DCC: variants seen among roughly 807,000 people sequenced by gnomAD.
DCC encodes the protein DCC netrin 1 receptor.
A neutral mutation model predicts 172.5 loss-of-function variants in DCC; 58 were observed. That is an observed-to-expected ratio of 0.34 (90% confidence interval 0.27 to 0.42). The LOEUF (loss-of-function observed/expected upper bound fraction) is 0.42, where lower values mean the gene tolerates loss of function less well. Ranked by LOEUF, DCC falls within the 10% of genes least tolerant of loss-of-function variation. The pLI is 1.00. For missense variants in DCC, 1,740 were observed against 1,791.0 expected, an observed-to-expected ratio of 0.97 and a Z score of 0.51; for synonymous variants, 709 against 644.5, an observed-to-expected ratio of 1.10 and a Z score of -1.52.
chr18:52,944,592 A>G (rs977380564), intron 5 of DCC, among the ~76,000 whole-genome samples: 3 of 152,242 alleles, frequency 2.0e-5, no homozygotes, highest in Admixed American at 6.5e-5. Flanking sequence ...AAAGAAGTCT[A>G]TAGCACTGGA....
intron 26 of DCC, 74 bp downstream of exon 26, chr18:53,487,032 T>C (rs1308878929): frequency 1.3e-5 from 20 of 1,583,846 alleles, no homozygotes; most frequent in Non-Finnish European, 1.5e-5. Context: ...TATGTTGCAT[T>C]CTGACCTTAT....
chr18:52,892,837 GA>G (rs1252028668), intron 2 of DCC, among the ~76,000 whole-genome samples: 2 of 152,074 alleles, frequency 1.3e-5, no homozygotes, highest in Non-Finnish European at 2.9e-5. Flanking sequence ...TGCACAGTAT[GA>G]AAATGCATTT....
At chr18:53,092,226 G>A (rs1490310535) in intron 7 of DCC, among the ~76,000 whole-genome samples, 1 of 152,100 alleles carries the variant, frequency 6.6e-6, no homozygotes, top group Non-Finnish European at 1.5e-5. Flanking sequence ...TAGCTGGTAG[G>A]TTTATAAAGA....
At chr18:52,503,560 G>A (rs1192732854) in intron 1 of DCC, among the ~76,000 whole-genome samples, 1 of 152,148 alleles carries the variant, frequency 6.6e-6, no homozygotes, top group Non-Finnish European at 1.5e-5. Flanking sequence ...CATATTTTGT[G>A]TTCTCCGTAG....
At chr18:52,950,260 A>C (rs1262321686) in intron 5 of DCC, among the ~76,000 whole-genome samples, 3 of 152,180 alleles carry the variant, frequency 2.0e-5, no homozygotes, top group Non-Finnish European at 2.9e-5. Flanking sequence ...CTCTTAATTG[A>C]AAACAAACTC....
chr18:52,888,931 A>G (rs1381549063), intron 2 of DCC, among the ~76,000 whole-genome samples: 5 of 152,138 alleles, frequency 3.3e-5, no homozygotes, highest in Non-Finnish European at 5.9e-5. Flanking sequence ...ACACATATAT[A>G]TACATACAAG....
At chr18:52,486,290 G>A (rs1321931850) in intron 1 of DCC, among the ~76,000 whole-genome samples, 1 of 152,046 alleles carries the variant, frequency 6.6e-6, no homozygotes, top group Non-Finnish European at 1.5e-5. Flanking sequence ...TTAGAAACAG[G>A]TCTTCAAGAG....
chr18:52,615,909 A>G (rs2034372010), intron 1 of DCC, among the ~76,000 whole-genome samples: 1 of 152,218 alleles, frequency 6.6e-6, no homozygotes, highest in South Asian at 2.1e-4. Flanking sequence ...TTATATGCAG[A>G]TATATAAACA....
intron 23 of DCC, among the ~76,000 whole-genome samples, chr18:53,456,340 C>G (rs1054913848): frequency 1.3e-5 from 2 of 152,158 alleles, no homozygotes; most frequent in Non-Finnish European, 2.9e-5. Flanking sequence ...AAGGAGAAAA[C>G]AGAGAGCCTG....
intron 1 of DCC, among the ~76,000 whole-genome samples, chr18:52,645,464 A>AT (rs1178588971): frequency 6.6e-6 from 1 of 152,238 alleles, no homozygotes; most frequent in African/African-American, 2.4e-5. Flanking sequence ...CAAAAATGGC[A>AT]TGAGATAACT....
intron 1 of DCC, among the ~76,000 whole-genome samples, chr18:52,584,759 C>T (rs1285110381): frequency 2.0e-5 from 3 of 151,076 alleles, no homozygotes; most frequent in African/African-American, 2.4e-5. Context: ...AGACTGGTCT[C>T]GAGCTCCTGG....
chr18:53,290,668 TCTTATTTC>T (rs2056992448), intron 12 of DCC, among the ~76,000 whole-genome samples: 1 of 152,130 alleles, frequency 6.6e-6, no homozygotes. Flanking sequence ...CTTCACAAGA[TCTTATTTC>T]CTTATTTACT....
chr18:53,009,700 G>A (rs1250974576), intron 5 of DCC, among the ~76,000 whole-genome samples: 1 of 152,018 alleles, frequency 6.6e-6, no homozygotes, highest in East Asian at 1.9e-4. Flanking sequence ...TTGGCATTTA[G>A]TGGTTGTGTT....
intron 2 of DCC, among the ~76,000 whole-genome samples, chr18:52,846,142 C>T (rs1418932432): frequency 3.3e-5 from 5 of 152,128 alleles, no homozygotes; most frequent in African/African-American, 1.2e-4. Flanking sequence ...CTATGAACTC[C>T]TCTCACAGGA....
intron 2 of DCC, among the ~76,000 whole-genome samples, chr18:52,814,213 A>T (rs565858934): frequency 3.3e-5 from 5 of 152,334 alleles, no homozygotes; most frequent in African/African-American, 9.6e-5. Context: ...CCTGTGAGTC[A>T]AGCACAAGGT....
At chr18:53,169,089 A>G (rs2054971044) in intron 8 of DCC, among the ~76,000 whole-genome samples, 1 of 152,260 alleles carries the variant, frequency 6.6e-6, no homozygotes, top group Non-Finnish European at 1.5e-5. Flanking sequence ...ATACTCTACC[A>G]GAATTAGATC....
chr18:52,549,465 A>G (rs1398812976), intron 1 of DCC, among the ~76,000 whole-genome samples: 4 of 151,994 alleles, frequency 2.6e-5, no homozygotes, highest in Non-Finnish European at 5.9e-5. Flanking sequence ...CCCTCCGACT[A>G]ATTTGTCTTT....
chr18:52,870,103 C>T (rs1280930683), intron 2 of DCC, among the ~76,000 whole-genome samples: 1 of 152,154 alleles, frequency 6.6e-6, no homozygotes, highest in Non-Finnish European at 1.5e-5. Context: ...CTCAGGGCAG[C>T]AGGCTCTCGG....
rs73460712 is a variant in DCC at position 52,969,710 on chromosome 18, G to T, written c.985+44340G>T. On this transcript the variant is annotated intron_variant, in intron 5 of 28. Coordinates refer to ENST00000442544, the MANE Select transcript of DCC (RefSeq NM_005215.4). ...TCTAATTTGAATATATTTCTTAATT[G>T]CTTATGTTTTCATAAAGTATATTTT... is the stretch of plus-strand genomic sequence containing the variant. Among the ~76,000 whole-genome samples the T allele has an allele frequency of 7.7e-3, 1,145 of 147,804 alleles. 13 individuals are homozygous for T. The highest frequency in any genetic ancestry group is 0.026 in the African/African-American group (1,044 of 40,012).
Sources: allele counts gnomAD v4.1 joint callset (sites outside exome capture counted in the v4.1 genomes callset), GRCh38; gene constraint gnomAD v4.1.1; transcripts MANE v1.5; gene names NCBI Gene and HGNC (gene_info 2026-07-23, HGNC 2026-07-21).